GPHN: variants seen among roughly 807,000 people sequenced by gnomAD.
GPHN encodes the protein gephyrin.
Under a neutral mutation model 95.5 loss-of-function variants are expected in GPHN, and 17 were observed. That is an observed-to-expected ratio of 0.18 (90% CI 0.12 to 0.27). The LOEUF is 0.27. Among genes scored for constraint, GPHN ranks in the 10% least tolerant of loss-of-function variants. The probability of loss-of-function intolerance (pLI) is 1.00; values close to 1 mark genes in which losing one functional copy is unlikely to be tolerated. For missense variants in GPHN, 660 were observed against 978.1 expected, an observed-to-expected ratio of 0.67 and a Z score of 4.34; for synonymous variants, 320 against 322.5, an observed-to-expected ratio of 0.99 and a Z score of 0.08.
the GPHN span, among the ~76,000 whole-genome samples, chr14:67,540,018 T>A: frequency 6.6e-6 from 1 of 152,178 alleles, no homozygotes; most frequent in South Asian, 2.1e-4. Context: ...CTTTGCACTG[T>A]GGTAGTATCT....
chr14:67,018,100 A>G (rs1053229556), intron 9 of GPHN, among the ~76,000 whole-genome samples: 3 of 152,112 alleles, frequency 2.0e-5, no homozygotes, highest in Non-Finnish European at 2.9e-5. Context: ...TTGGAATATG[A>G]GTAACTATTA....
chr14:67,068,626 G>A (rs1409629216), intron 11 of GPHN, among the ~76,000 whole-genome samples: 1 of 152,022 alleles, frequency 6.6e-6, no homozygotes, highest in African/African-American at 2.4e-5. Flanking sequence ...TTGCTTTCTT[G>A]GGAATTTTAT....
the GPHN span, chr14:67,725,997 G>A: frequency 1.7e-6 from 2 of 1,199,830 alleles, no homozygotes; most frequent in African/African-American, 3.0e-5. Flanking sequence ...GTCTGTTACA[G>A]GCAGCTAGGG....
At chr14:66,579,763 C>T (rs1390106322) in intron 1 of GPHN, among the ~76,000 whole-genome samples, 1 of 151,738 alleles carries the variant, frequency 6.6e-6, no homozygotes, top group Non-Finnish European at 1.5e-5. Context: ...TAGTATAGGA[C>T]TTCAATATTT....
intron 12 of GPHN, among the ~76,000 whole-genome samples, chr14:67,092,243 G>A (rs1463396010): frequency 6.6e-6 from 1 of 152,020 alleles, no homozygotes; most frequent in Non-Finnish European, 1.5e-5. Flanking sequence ...TTTCTTTAAA[G>A]GTAAATGTAT....
At chr14:67,508,489 T>C in the GPHN span, among the ~76,000 whole-genome samples, 1 of 152,050 alleles carries the variant, frequency 6.6e-6, no homozygotes, top group Non-Finnish European at 1.5e-5. Context: ...CCTTGCACAC[T>C]GTTCCATCAT....
intron 2 of GPHN, among the ~76,000 whole-genome samples, chr14:66,739,549 A>G (rs1259994062): frequency 2.1e-5 from 3 of 144,692 alleles, no homozygotes; most frequent in Non-Finnish European, 4.5e-5. Flanking sequence ...AAACAAAACC[A>G]TCAATGGAAG....
the GPHN span, chr14:67,471,578 G>T: frequency 2.0e-5 from 3 of 152,082 alleles, no homozygotes; most frequent in African/African-American, 4.8e-5. Context: ...TCAAAAGGAG[G>T]GCTGGCCACT....
At chr14:67,407,967 T>C in the GPHN span, among the ~76,000 whole-genome samples, 2 of 151,732 alleles carry the variant, frequency 1.3e-5, no homozygotes, top group Non-Finnish European at 2.9e-5. Flanking sequence ...CTGGGTAACA[T>C]ACTGAGACAT....
the GPHN span, chr14:67,691,024 TG>T: frequency 1.4e-6 from 1 of 725,570 alleles, no homozygotes; most frequent in Non-Finnish European, 2.5e-6. Context: ...TATGCACACA[TG>T]GTCTATTATG....
the GPHN span, among the ~76,000 whole-genome samples, chr14:67,553,475 C>A: frequency 1.3e-5 from 2 of 152,176 alleles, no homozygotes; most frequent in African/African-American, 4.8e-5. Flanking sequence ...AACTATCCAG[C>A]AATCATGACT....
chr14:67,558,770 G>A, the GPHN span, among the ~76,000 whole-genome samples: 3 of 152,232 alleles, frequency 2.0e-5, no homozygotes, highest in African/African-American at 7.2e-5. Flanking sequence ...AACCAGGTCA[G>A]GGTTGGCCGA....
intron 4 of GPHN, chr14:66,842,686 A>G: frequency 6.5e-7 from 1 of 1,534,944 alleles, no homozygotes; most frequent in Non-Finnish European, 8.7e-7. Context: ...AGAAATTCCC[A>G]ACATTCCCAT....
chr14:66,696,071 A>G lies in GPHN; in HGVS notation c.143+14886A>G, dbSNP rs562278147. On this transcript the variant is annotated intron_variant, in intron 2 of 22. Transcript: ENST00000478722. Reference sequence around the variant, plus strand: ...AATAAATGTGCCACTTCGTTGGGGTATGTTGATAATGGGAGAAGCTATGCA... The same window carrying G: ...AATAAATGTGCCACTTCGTTGGGGTGTGTTGATAATGGGAGAAGCTATGCA... Among the ~76,000 whole-genome samples, 366 of 152,328 alleles carry G rather than the reference A, an allele frequency of 2.4e-3. 4 individuals are homozygous for G. The highest frequency in any genetic ancestry group is 8.3e-3 in the African/African-American group (345 of 41,582).
chr14:67,266,360 C>G, the GPHN span, among the ~76,000 whole-genome samples: 5 of 152,162 alleles, frequency 3.3e-5, no homozygotes, highest in South Asian at 2.1e-4. Context: ...GAGTCTCACT[C>G]TGTTGCCCAG....
chr14:67,293,383 A>C, the GPHN span, among the ~76,000 whole-genome samples: 228 of 152,252 alleles, frequency 1.5e-3, no homozygotes, highest in African/African-American at 5.2e-3. Context: ...GGTATTATTA[A>C]AATGAATAAT....
At chr14:67,274,378 G>A in the GPHN span, among the ~76,000 whole-genome samples, 11 of 152,238 alleles carry the variant, frequency 7.2e-5, no homozygotes, top group East Asian at 2.1e-3. Flanking sequence ...ATTAAATAGG[G>A]CATCCTTTCC....
chr14:66,984,590 C>G (rs891656317), intron 9 of GPHN, among the ~76,000 whole-genome samples: 110 of 152,252 alleles, frequency 7.2e-4, no homozygotes, highest in African/African-American at 2.5e-3. Context: ...TATCAGAGAT[C>G]TTCTAAAAGG....
the GPHN span, among the ~76,000 whole-genome samples, chr14:67,207,764 G>A: frequency 6.6e-6 from 1 of 152,024 alleles, no homozygotes; most frequent in Non-Finnish European, 1.5e-5. Context: ...TTAGATACAG[G>A]TTCTAAGTCT....
Sources: allele counts gnomAD v4.1 joint callset (sites outside exome capture counted in the v4.1 genomes callset), GRCh38; gene constraint gnomAD v4.1.1; transcripts MANE v1.5; gene names NCBI Gene and HGNC (gene_info 2026-07-23, HGNC 2026-07-21).